Variants in KCNIP4 observed in about 807,000 individuals in gnomAD.
The protein encoded by KCNIP4 is Kv channel-interacting protein 4.
Under a neutral mutation model 34.0 loss-of-function variants are expected in KCNIP4, and 12 were observed. The ratio of observed to expected loss-of-function variants is 0.35; its 90% CI spans 0.23 to 0.57. KCNIP4 has a LOEUF of 0.57. Ranked by LOEUF, KCNIP4 falls within the 20% of genes least tolerant of loss-of-function variation. The pLI, the probability that KCNIP4 is intolerant of heterozygous loss-of-function variation, is 0.83. For missense variants in KCNIP4, 238 were observed against 311.7 expected (o/e 0.76, Z 1.78); for synonymous variants, 124 against 102.2 (o/e 1.21, Z -1.29).
At chr4:21,036,593 G>C (rs979268786) in intron 1 of KCNIP4, among the ~76,000 whole-genome samples, 3 of 152,206 alleles carry the variant, frequency 2.0e-5, no homozygotes, top group Non-Finnish European at 4.4e-5. Flanking sequence ...GGGCATGGGG[G>C]TGTGTGCCTG....
intron 1 of KCNIP4, among the ~76,000 whole-genome samples, chr4:20,996,527 C>A (rs1466244286): frequency 6.6e-6 from 1 of 152,110 alleles, no homozygotes; most frequent in Non-Finnish European, 1.5e-5. Flanking sequence ...ACTTTGTGAT[C>A]CCCATGTGAT....
At chr4:21,616,973 G>A (rs999765936) in intron 1 of KCNIP4, among the ~76,000 whole-genome samples, 4 of 152,124 alleles carry the variant, frequency 2.6e-5, no homozygotes, top group African/African-American at 4.8e-5. Context: ...TTATTTAAAT[G>A]AATCAATGAA....
chr4:21,195,049 C>T lies in KCNIP4; in HGVS notation c.62-312340G>A, dbSNP rs1295078330. On this transcript the variant is annotated intron_variant, in intron 1 of 8. Transcript: ENST00000382152. ...GCTTCTCAAAGGGAAACTTCTCTTC[C>T]TCCTTAATGAAGTCATTTCTCCTCT... Among the ~76,000 whole-genome samples the T allele has an allele frequency of 3.9e-5, 6 of 152,182 alleles. No individual in the cohort carries two copies. The South Asian group carries it at 8.3e-4, about 21-fold the overall frequency.
intron 1 of KCNIP4, among the ~76,000 whole-genome samples, chr4:21,923,887 C>A (rs1356834083): frequency 6.6e-6 from 1 of 152,070 alleles, no homozygotes; most frequent in Non-Finnish European, 1.5e-5. Context: ...CTATCCATAC[C>A]CATAAAAAAC....
chr4:21,496,020 G>C (rs1732821626), intron 1 of KCNIP4, among the ~76,000 whole-genome samples: 1 of 152,168 alleles, frequency 6.6e-6, no homozygotes. Context: ...GATGGTCCAA[G>C]AGCTACTCTT....
At chr4:20,806,867 A>G (rs1715161088) in intron 3 of KCNIP4, among the ~76,000 whole-genome samples, 1 of 152,246 alleles carries the variant, frequency 6.6e-6, no homozygotes, top group African/African-American at 2.4e-5. Flanking sequence ...TGCAATGTTT[A>G]CCCAGGTATA....
chr4:21,252,124 G>GTTTT (rs200110404), intron 1 of KCNIP4, among the ~76,000 whole-genome samples: 4 of 115,948 alleles, frequency 3.4e-5, no homozygotes, highest in Admixed American at 8.5e-5. Flanking sequence ...CATGAATGAG[G>GTTTT]TTTTGTTTTT....
chr4:21,409,951 A>G (rs576731445), intron 1 of KCNIP4, among the ~76,000 whole-genome samples: 2 of 152,310 alleles, frequency 1.3e-5, no homozygotes, highest in South Asian at 4.1e-4. Context: ...GAGCATGAGA[A>G]GAGTAGGAAG....
chr4:21,504,266 G>A (rs1457945926), intron 1 of KCNIP4, among the ~76,000 whole-genome samples: 5 of 151,838 alleles, frequency 3.3e-5, no homozygotes, highest in African/African-American at 7.3e-5. Context: ...TCAGGAGTTC[G>A]AGACCAGCCT....
At chr4:21,022,605 G>A (rs763328110) in intron 1 of KCNIP4, among the ~76,000 whole-genome samples, 7 of 152,134 alleles carry the variant, frequency 4.6e-5, no homozygotes, top group Non-Finnish European at 8.8e-5. Context: ...ATATGAGCAA[G>A]AAAATTTGAT....
intron 1 of KCNIP4, among the ~76,000 whole-genome samples, chr4:21,458,262 C>T (rs1003897049): frequency 3.3e-5 from 5 of 150,628 alleles, no homozygotes; most frequent in African/African-American, 1.2e-4. Flanking sequence ...TTTGTTCTTG[C>T]GATAGTTTAC....
At chr4:21,662,820 C>T (rs1577786730) in intron 1 of KCNIP4, among the ~76,000 whole-genome samples, 1 of 152,150 alleles carries the variant, frequency 6.6e-6, no homozygotes. Context: ...AGATGTTACA[C>T]CAACATCCTC....
At chr4:21,109,352 A>G (rs1225617229) in intron 1 of KCNIP4, among the ~76,000 whole-genome samples, 1 of 152,210 alleles carries the variant, frequency 6.6e-6, no homozygotes, top group African/African-American at 2.4e-5. Context: ...GTTTGATCTC[A>G]GACTGCTGTG....
chr4:20,860,848 T>C (rs1265084952), intron 2 of KCNIP4, among the ~76,000 whole-genome samples: 1 of 152,184 alleles, frequency 6.6e-6, no homozygotes, highest in Non-Finnish European at 1.5e-5. Flanking sequence ...GTGATGCTAT[T>C]GTTTGTTTAA....
intron 1 of KCNIP4, among the ~76,000 whole-genome samples, chr4:21,687,378 G>C: frequency 6.6e-6 from 1 of 151,466 alleles, no homozygotes. Flanking sequence ...GAAAAGATAC[G>C]CAAAGAAATA....
chr4:21,837,784 TA>T (rs1166472987), intron 1 of KCNIP4, among the ~76,000 whole-genome samples: 1 of 152,112 alleles, frequency 6.6e-6, no homozygotes, highest in Non-Finnish European at 1.5e-5. Context: ...GAAAATTTTA[TA>T]AATTGGAGTT....
intron 1 of KCNIP4, among the ~76,000 whole-genome samples, chr4:21,876,496 AGAAAGACAGGAGGAAG>A (rs1481241447): frequency 6.6e-6 from 1 of 152,208 alleles, no homozygotes; most frequent in Non-Finnish European, 1.5e-5. Context: ...TACATTAATT[AGAAAGACAGGAGGAAG>A]GAAAAGACTC....
chr4:21,610,344 G>A (rs1321706778), intron 1 of KCNIP4, among the ~76,000 whole-genome samples: 2 of 152,178 alleles, frequency 1.3e-5, no homozygotes, highest in Non-Finnish European at 2.9e-5. Flanking sequence ...TTCACCCTTT[G>A]TCTTCACATT....
At chr4:21,153,025 A>T (rs1752871188) in intron 1 of KCNIP4, among the ~76,000 whole-genome samples, 1 of 152,186 alleles carries the variant, frequency 6.6e-6, no homozygotes, top group African/African-American at 2.4e-5. Context: ...GTGAATGGTC[A>T]TCATTGATTC....
Sources: gnomAD v4.1 joint callset for allele counts (sites outside exome capture counted in the v4.1 genomes callset) on GRCh38, gnomAD v4.1.1 for gene constraint, MANE v1.5 for transcripts, NCBI Gene and HGNC (gene_info 2026-07-23, HGNC 2026-07-21) for gene names.